FHL1: variants seen among roughly 807,000 people sequenced by gnomAD.
FHL1 encodes the protein four and a half LIM domains 1.
Under a neutral mutation model 20.3 loss-of-function variants are expected in FHL1, and 1 was observed. That is an observed-to-expected ratio of 0.05 (90% CI 0.02 to 0.23). The LOEUF (loss-of-function observed/expected upper bound fraction) is 0.23, where lower values mean the gene tolerates loss of function less well. FHL1 is among the 10% of genes least tolerant of loss of function. The pLI, the probability that FHL1 is intolerant of heterozygous loss-of-function variation, is 1.00. For synonymous variants in FHL1, 82 were observed against 88.9 expected (o/e 0.92, Z 0.44); for missense variants, 177 against 234.0 (o/e 0.76, Z 1.59).
chrX:136,146,808 A>T, upstream of FHL1: 1 of 329,461 alleles, frequency 3.0e-6, no homozygotes, highest in Non-Finnish European at 5.9e-6. Flanking sequence ...CCGCTTTGCC[A>T]TCGGTGCTTT....
intron 2 of FHL1, among the ~76,000 whole-genome samples, chrX:136,186,877 TATATAGATAGATAG>T (rs1156902599): frequency 0.048 from 359 of 7,508 alleles, 8 homozygotes; most frequent in Middle Eastern, 0.17. Context: ...TATATATATA[TATATAGATAGATAG>T]ATAGATAGAT....
In FHL1 at chrX:136,207,943, T is replaced by G; in HGVS notation, c.531T>G (p.His177Gln). ...GCCATGAGACCAAGTTTGCCAAGCA[T>G]TGCGTGAAGTGCAACAAGGTATGCT... ...VTCHETKFAK[H>Q]CVKCNKAITS... The change falls in exon 4 of 6, where the codon CAT becomes CAG. Residue 177 changes from histidine (H) to glutamine (Q), a missense_variant. By Grantham distance (24) the His-to-Gln change is conservative (BLOSUM62 0). Coordinates refer to ENST00000370683, the MANE Select transcript of FHL1 (RefSeq NM_001159699.2). The G allele has an allele frequency of 8.2e-7, 1 of 1,212,272 alleles. No individual in the cohort carries two copies. Among genetic ancestry groups the G allele is most frequent in the South Asian group, 1.8e-5 (1 of 57,025 alleles).
Position 136,211,071 on chromosome X carries a change from A to G in FHL1, c.*1046A>G, listed in dbSNP as rs1441827028. 2.7e-6 allele frequency: 1 copy of G among 376,604 alleles called. No individual in the cohort carries two copies. Among genetic ancestry groups the G allele is most frequent in the Non-Finnish European group, 5.0e-6 (1 of 198,824 alleles). The allele number at this position is 376,604 out of a possible 1,213,427, so 31.0% of individuals were successfully genotyped here. On this transcript the variant is annotated 3_prime_UTR_variant, in exon 6 of 6. Transcript: ENST00000370683. ...TGTCCATGTGTTAATGAGGACTGCA[A>G]AGTCCCTTCTGTTGTGATTCCTAGG... is the stretch of plus-strand genomic sequence containing the variant.
At chrX:136,206,230 AGTGAAGTATCTGTT>A (rs1200794205) in intron 1 of FHL1, 163 bp from the exon 2 acceptor site, 2 of 547,022 alleles carry the variant, frequency 3.7e-6, no homozygotes, top group African/African-American at 4.5e-5. Flanking sequence ...CTGGAATCAT[AGTGAAGTATCTGTT>A]GTCTTGGTGC....
In FHL1 at chrX:136,210,462, C is replaced by T; in HGVS notation, c.*437C>T. The T allele has an allele frequency of 1.0e-5, 4 of 391,285 alleles. No homozygotes were observed. Among genetic ancestry groups the T allele is most frequent in the Middle Eastern group, 7.2e-4 (1 of 1,383 alleles). The allele number at this position is 391,285 out of a possible 1,213,427, so 32.2% of individuals were successfully genotyped here. ...GCGGCTGCTCCAACTCACTGCTCAC[C>T]CTCTTCTGTGAGCAGGAAAAGAACC... On this transcript the variant is annotated 3_prime_UTR_variant, in exon 6 of 6. Transcript: ENST00000370683.
upstream of FHL1, chrX:136,146,763 G>T: frequency 3.0e-6 from 1 of 330,028 alleles, no homozygotes; most frequent in Non-Finnish European, 5.9e-6. Flanking sequence ...CGAGGGCTCA[G>T]TAAACTGAAT....
Sources: allele counts gnomAD v4.1 joint callset (sites outside exome capture counted in the v4.1 genomes callset), GRCh38; gene constraint gnomAD v4.1.1; transcripts MANE v1.5; gene names NCBI Gene and HGNC (gene_info 2026-07-23, HGNC 2026-07-21).